Variants in LPP observed in about 807,000 individuals in gnomAD.
LPP encodes lipoma-preferred partner.
Under a neutral mutation model 60.4 loss-of-function variants are expected in LPP, and 38 were observed. The ratio of observed to expected loss-of-function variants is 0.63; its 90% CI spans 0.49 to 0.83. LPP has a LOEUF of 0.83. Among genes scored for constraint, LPP ranks in the 40% least tolerant of loss-of-function variants. The pLI is 0.00. For synonymous variants in LPP, 328 were observed against 290.8 expected, an observed-to-expected ratio of 1.13 and a Z score of -1.30; for missense variants, 902 against 783.6, an observed-to-expected ratio of 1.15 and a Z score of -1.80.
At chr3:188,483,704 A>G (rs559010843) in intron 4 of LPP, among the ~76,000 whole-genome samples, 9 of 152,226 alleles carry the variant, frequency 5.9e-5, no homozygotes, top group African/African-American at 1.9e-4. Flanking sequence ...CTTGTTGGTA[A>G]GAGATGCTAG....
intron 8 of LPP, among the ~76,000 whole-genome samples, chr3:188,755,036 A>G (rs565536183): frequency 6.6e-6 from 1 of 152,274 alleles, no homozygotes; most frequent in African/African-American, 2.4e-5. Context: ...CCCTTATATA[A>G]TCTTATTGAT....
rs1016604753 is a variant in LPP at position 188,462,835 on chromosome 3, G to A, written c.194-21757G>A. Among the ~76,000 whole-genome samples, 21 of 151,842 alleles carry A rather than the reference G, an allele frequency of 1.4e-4. No individual in the cohort carries two copies. In the East Asian group the frequency reaches 2.5e-3, roughly 18 times the overall value. ...TAAATAATCTTTTCTAGCCGAGCAC[G>A]GTGGGTCACACCTGTAATTCCAGCA... is the stretch of plus-strand genomic sequence containing the variant. On this transcript the variant is annotated intron_variant, in intron 4 of 11. Transcript: ENST00000617246.
rs549951292 is a variant in LPP, at chr3:188,511,826, TATG to T, written c.307-12836_307-12834del. 9.8e-5 allele frequency among the ~76,000 whole-genome samples: 15 copies of T among 152,338 alleles called. No homozygotes were observed. The South Asian group carries it at 3.1e-3, about 32-fold the overall frequency. On this transcript the variant is annotated intron_variant, in intron 5 of 11. Coordinates refer to ENST00000617246, the MANE Select transcript of LPP (RefSeq NM_001375462.1). ...GTGATAATGGCCGTACAGAGGGAGC[TATG>T]ATATTTTCCCTCTTGTTTTCCCAGT... is the stretch of plus-strand genomic sequence containing the variant.
Position 188,495,082 on chromosome 3 carries a change from A to ATATAT in LPP, c.306+10379_306+10380insATATT, listed in dbSNP as rs1342207321. On this transcript the variant is annotated intron_variant, in intron 5 of 11. Transcript: ENST00000617246. Reference sequence around the variant, plus strand: ...CAGGATTTTATATATATATATATATATTTTATTTATATTTTATTATATATT... The same window carrying ATATAT: ...CAGGATTTTATATATATATATATATATATATTTTTATTTATATTTTATTATATATT... Among the ~76,000 whole-genome samples, 13 of 97,270 alleles carry ATATAT rather than the reference A, an allele frequency of 1.3e-4. 1 individual carries two copies. Among genetic ancestry groups the ATATAT allele is most frequent in the African/African-American group, 4.0e-4 (10 of 25,064 alleles). 63.8% of individuals were successfully genotyped at this position (97,270 alleles called of 152,430 possible). A position where few individuals can be genotyped will look rare whatever the true frequency, so the allele number is the denominator to read the frequency against.
intron 2 of LPP, among the ~76,000 whole-genome samples, chr3:188,259,181 T>G (rs1352223806): frequency 1.3e-5 from 2 of 152,218 alleles, no homozygotes; most frequent in African/African-American, 4.8e-5. Context: ...TTTTGTTTGC[T>G]AATTTAATTT....
At chr3:188,748,526 G>A (rs1441054339) in intron 8 of LPP, among the ~76,000 whole-genome samples, 1 of 152,172 alleles carries the variant, frequency 6.6e-6, no homozygotes, top group Non-Finnish European at 1.5e-5. Context: ...GCTCACACCT[G>A]TAATCCCAGC....
In LPP at chr3:188,307,821, CTGA is replaced by C. The variant is rs1577998135; in HGVS notation, c.-66-33840_-66-33838del. On this transcript the variant is annotated intron_variant, in intron 2 of 11. Transcript: ENST00000617246. ...GACTTTATTAACACAGGGAATACAG[CTGA>C]TTATCTCTTAGACATTGTTAGGATA... Among the ~76,000 whole-genome samples the C allele has an allele frequency of 3.9e-5, 6 of 152,276 alleles. No individual in the cohort carries two copies. The East Asian group carries it at 1.2e-3, about 29-fold the overall frequency.
chr3:188,842,136 G>A lies in LPP; in HGVS notation c.1411-24064G>A, dbSNP rs538144876. ...TTACATTCCCACCACCAGTGTACAA[G>A]GGTTCCCTTTTCTCCACATCCTCAT... On this transcript the variant is annotated intron_variant, in intron 9 of 11. Coordinates refer to ENST00000617246, the MANE Select transcript of LPP (RefSeq NM_001375462.1). Among the ~76,000 whole-genome samples, 39 of 152,284 alleles carry A rather than the reference G, an allele frequency of 2.6e-4. 1 individual carries two copies. In the South Asian group the frequency reaches 8.1e-3, roughly 32 times the overall value.
chr3:188,317,306 C>G lies in LPP; in HGVS notation c.-66-24357C>G, dbSNP rs1156445320. 7.3e-5 allele frequency among the ~76,000 whole-genome samples: 11 copies of G among 151,532 alleles called. No individual in the cohort carries two copies. In the East Asian group the frequency reaches 1.9e-3, roughly 27 times the overall value. On this transcript the variant is annotated intron_variant, in intron 2 of 11. Coordinates refer to ENST00000617246, the MANE Select transcript of LPP (RefSeq NM_001375462.1). ...ATTCAGGTATAGATTAAAGGTTTGT[C>G]CTCACCATTAATGGTGTGTTATTAT...
intron 5 of LPP, among the ~76,000 whole-genome samples, chr3:188,511,248 CTTCCCTCCCTTCCCTCCTTCCT>C (rs1205907222): frequency 8.9e-6 from 1 of 112,116 alleles, no homozygotes; most frequent in Non-Finnish European, 1.9e-5. Context: ...CCCTCACTCC[CTTCCCTCCCTTCCCTCCTTCCT>C]TTCCCTCCCT....
At chr3:188,468,769 T>G (rs896002584) in intron 4 of LPP, among the ~76,000 whole-genome samples, 3 of 152,096 alleles carry the variant, frequency 2.0e-5, no homozygotes, top group African/African-American at 7.2e-5. Flanking sequence ...CTCGCTGAAC[T>G]TGAAACTCAG....
intron 1 of LPP, among the ~76,000 whole-genome samples, chr3:188,183,049 G>A (rs780211097): frequency 6.6e-6 from 1 of 152,096 alleles, no homozygotes; most frequent in African/African-American, 2.4e-5. Flanking sequence ...AAATTTAATA[G>A]CAAGGCCAGA....
chr3:188,416,458 T>C (rs1786297004), intron 4 of LPP, among the ~76,000 whole-genome samples: 1 of 152,204 alleles, frequency 6.6e-6, no homozygotes. Flanking sequence ...TGATTGATGC[T>C]CAACCAACGT....
chr3:188,239,871 A>T (rs571662710), intron 2 of LPP: 1 of 210,332 alleles, frequency 4.8e-6, no homozygotes, highest in Admixed American at 5.9e-5. Context: ...TTGGATGGGT[A>T]TTTGCTTTCA....
At chr3:188,708,450 T>C in intron 8 of LPP, 57 bp downstream of exon 8, 1 of 1,612,064 alleles carries the variant, frequency 6.2e-7, no homozygotes. Flanking sequence ...ATTTCCTTCC[T>C]TAGTAATTGG....
chr3:188,205,956 AG>A (rs1279969380), intron 1 of LPP, among the ~76,000 whole-genome samples: 1 of 152,178 alleles, frequency 6.6e-6, no homozygotes, highest in East Asian at 1.9e-4. Flanking sequence ...TTAAAGGAAA[AG>A]TTCTGCTGCT....
At chr3:188,256,595 G>C (rs947312425) in intron 2 of LPP, among the ~76,000 whole-genome samples, 3 of 152,082 alleles carry the variant, frequency 2.0e-5, no homozygotes, top group Admixed American at 2.0e-4. Context: ...TAAATTAAAA[G>C]TAGAGTGTCT....
At chr3:188,749,111 T>C (rs1402290714) in intron 8 of LPP, among the ~76,000 whole-genome samples, 4 of 152,190 alleles carry the variant, frequency 2.6e-5, no homozygotes, top group African/African-American at 9.7e-5. Context: ...ACAGAAGCCA[T>C]GTTGTAGACT....
At chr3:188,278,834 GC>G (rs1353568606) in intron 2 of LPP, among the ~76,000 whole-genome samples, 1 of 152,086 alleles carries the variant, frequency 6.6e-6, no homozygotes, top group Non-Finnish European at 1.5e-5. Context: ...GTAATAACAC[GC>G]CAAAGCCTAG....
Sources: allele counts gnomAD v4.1 joint callset (sites outside exome capture counted in the v4.1 genomes callset), GRCh38; gene constraint gnomAD v4.1.1; transcripts MANE v1.5; gene names NCBI Gene and HGNC (gene_info 2026-07-23, HGNC 2026-07-21).